Variants in RNF150 observed in about 807,000 individuals in gnomAD.
RNF150 encodes ring finger protein 150.
Under a neutral mutation model 39.3 loss-of-function variants are expected in RNF150, and 24 were observed. The observed-to-expected ratio is 0.61, with a 90% CI of 0.44 to 0.86. The LOEUF is 0.86. Among genes scored for constraint, RNF150 ranks in the 40% least tolerant of loss-of-function variants. The pLI is 0.00. For missense variants in RNF150, 502 were observed against 587.8 expected, an observed-to-expected ratio of 0.85 and a Z score of 1.51; for synonymous variants, 255 against 227.3, an observed-to-expected ratio of 1.12 and a Z score of -1.10.
intron 1 of RNF150, among the ~76,000 whole-genome samples, chr4:140,999,537 G>T (rs73858691): frequency 0.076 from 11,549 of 152,192 alleles, 499 homozygotes; most frequent in Middle Eastern, 0.16. Context: ...TGAAGTTAGC[G>T]CTGCTTGTTA....
chr4:141,011,150 A>G (rs1735061669), intron 1 of RNF150, among the ~76,000 whole-genome samples: 1 of 152,076 alleles, frequency 6.6e-6, no homozygotes, highest in South Asian at 2.1e-4. Flanking sequence ...ATACTGATAT[A>G]TAAATAGTTA....
chr4:141,131,620 C>T (rs1205265870), intron 1 of RNF150, among the ~76,000 whole-genome samples: 1 of 152,152 alleles, frequency 6.6e-6, no homozygotes, highest in African/African-American at 2.4e-5. Flanking sequence ...TCATTCTAGC[C>T]AGAAAGAAAA....
chr4:141,058,146 T>C (rs910415866), intron 1 of RNF150, among the ~76,000 whole-genome samples: 3 of 152,174 alleles, frequency 2.0e-5, no homozygotes, highest in African/African-American at 7.2e-5. Context: ...AATATCTATT[T>C]TATTTCCTCA....
At chr4:140,933,307 A>C (rs1731721968) in intron 4 of RNF150, among the ~76,000 whole-genome samples, 1 of 152,230 alleles carries the variant, frequency 6.6e-6, no homozygotes, top group African/African-American at 2.4e-5. Context: ...AAGAAATTCA[A>C]AAAGAAGGGA....
At chr4:141,137,763 C>G (rs1727049751), upstream of RNF150, among the ~76,000 whole-genome samples, 1 of 152,100 alleles carries the variant, frequency 6.6e-6, no homozygotes, top group Non-Finnish European at 1.5e-5. Context: ...ATTACTTTTC[C>G]AAAGGTTTGC....
chr4:140,932,039 C>G (rs1275926834), intron 4 of RNF150, among the ~76,000 whole-genome samples: 2 of 152,170 alleles, frequency 1.3e-5, no homozygotes, highest in Non-Finnish European at 2.9e-5. Context: ...ACCCTAACAC[C>G]CTGCAAGTGA....
intron 6 of RNF150, among the ~76,000 whole-genome samples, chr4:140,880,721 G>A (rs1729343143): frequency 6.6e-6 from 1 of 151,850 alleles, no homozygotes; most frequent in African/African-American, 2.4e-5. Context: ...ACTAGTGATA[G>A]GTTGGTTGAA....
At chr4:141,028,433 A>G (rs1349910205) in intron 1 of RNF150, among the ~76,000 whole-genome samples, 4 of 152,156 alleles carry the variant, frequency 2.6e-5, no homozygotes, top group South Asian at 4.1e-4. Context: ...TTGACAGTTT[A>G]AAAAAGAATA....
At chr4:141,103,207 G>C (rs1167925777) in intron 1 of RNF150, among the ~76,000 whole-genome samples, 1 of 152,094 alleles carries the variant, frequency 6.6e-6, no homozygotes, top group Non-Finnish European at 1.5e-5. Context: ...ATAGCCCTTG[G>C]CCTCCAATAA....
intron 5 of RNF150, among the ~76,000 whole-genome samples, chr4:140,921,030 A>G (rs1731104905): frequency 6.6e-6 from 1 of 151,450 alleles, no homozygotes; most frequent in African/African-American, 2.4e-5. Context: ...CACTCTGGGG[A>G]CTGTTGTGGC....
chr4:141,002,796 C>G (rs768468791), intron 1 of RNF150, among the ~76,000 whole-genome samples: 5 of 152,100 alleles, frequency 3.3e-5, no homozygotes, highest in Non-Finnish European at 7.4e-5. Flanking sequence ...GCTCTGCCAA[C>G]CTGGGTAGCG....
At chr4:141,106,808 T>A (rs1010366095) in intron 1 of RNF150, among the ~76,000 whole-genome samples, 3 of 151,822 alleles carry the variant, frequency 2.0e-5, no homozygotes, top group Non-Finnish European at 4.4e-5. Context: ...AAAAATAATA[T>A]ATATATATTA....
chr4:141,032,017 T>C (rs1002302340), intron 1 of RNF150, among the ~76,000 whole-genome samples: 2 of 151,818 alleles, frequency 1.3e-5, no homozygotes, highest in African/African-American at 4.8e-5. Context: ...TGTGTATATA[T>C]GTATATATAT....
intron 1 of RNF150, among the ~76,000 whole-genome samples, chr4:140,970,430 A>G (rs1379201031): frequency 6.6e-6 from 1 of 151,840 alleles, no homozygotes; most frequent in Admixed American, 6.6e-5. Flanking sequence ...CTTTTAACAT[A>G]TTTACTATCT....
intron 5 of RNF150, among the ~76,000 whole-genome samples, chr4:140,917,277 G>T (rs1730874321): frequency 6.6e-6 from 1 of 152,184 alleles, no homozygotes; most frequent in Non-Finnish European, 1.5e-5. Flanking sequence ...CCATCAGCGT[G>T]CTATATTCAG....
intron 1 of RNF150, among the ~76,000 whole-genome samples, chr4:141,017,880 AATTT>A (rs1347286307): frequency 6.6e-6 from 1 of 152,072 alleles, no homozygotes; most frequent in African/African-American, 2.4e-5. Context: ...TATGTACCAC[AATTT>A]ATTTATCCAT....
intron 6 of RNF150, among the ~76,000 whole-genome samples, chr4:140,895,860 AT>A (rs985514635): frequency 6.6e-6 from 1 of 152,162 alleles, no homozygotes; most frequent in South Asian, 2.1e-4. Flanking sequence ...TTTTTAAAGA[AT>A]TTTTTTTCTG....
At chr4:141,048,032 A>C (rs1736643618) in intron 1 of RNF150, among the ~76,000 whole-genome samples, 1 of 152,158 alleles carries the variant, frequency 6.6e-6, no homozygotes, top group Non-Finnish European at 1.5e-5. Flanking sequence ...TATGGAGAGA[A>C]TCAGTAGCAG....
chr4:141,197,210 G>A (rs554179003), intron 1 of RNF150, among the ~76,000 whole-genome samples: 4 of 151,952 alleles, frequency 2.6e-5, no homozygotes, highest in African/African-American at 7.3e-5. Flanking sequence ...ATTCAATTTC[G>A]AATGTCTTCA....
Sources: gnomAD v4.1 joint callset for allele counts (sites outside exome capture counted in the v4.1 genomes callset) on GRCh38, gnomAD v4.1.1 for gene constraint, MANE v1.5 for transcripts, NCBI Gene and HGNC (gene_info 2026-07-23, HGNC 2026-07-21) for gene names.